Variants in GRIA3 observed in about 807,000 individuals in gnomAD.
The protein encoded by GRIA3 is glutamate receptor 3.
Under a neutral mutation model 63.0 loss-of-function variants are expected in GRIA3, and 3 were observed. The ratio of observed to expected loss-of-function variants is 0.05; its 90% CI spans 0.02 to 0.12. The LOEUF is 0.12. GRIA3 is among the 10% of genes least tolerant of loss of function. The pLI, the probability that GRIA3 is intolerant of heterozygous loss-of-function variation, is 1.00. For missense variants in GRIA3, 347 were observed against 700.9 expected, an observed-to-expected ratio of 0.50 and a Z score of 5.70; for synonymous variants, 274 against 257.9, an observed-to-expected ratio of 1.06 and a Z score of -0.60.
intron 13 of GRIA3, among the ~76,000 whole-genome samples, chrX:123,472,165 T>C (rs1423984341): frequency 9.6e-6 from 1 of 104,422 alleles, no homozygotes; most frequent in Non-Finnish European, 2.0e-5. Flanking sequence ...AGACTTCACT[T>C]GTTGCAATCT....
At chrX:123,366,727 C>T (rs1020118504) in intron 5 of GRIA3, among the ~76,000 whole-genome samples, 3 of 111,610 alleles carry the variant, frequency 2.7e-5, no homozygotes, top group Non-Finnish European at 5.6e-5. Context: ...TGCTAGCTGA[C>T]TCCAGTATGT....
intron 15 of GRIA3, among the ~76,000 whole-genome samples, chrX:123,485,344 T>C (rs370104567): frequency 1.4e-4 from 16 of 111,945 alleles, no homozygotes; most frequent in African/African-American, 4.6e-4. Flanking sequence ...TGAGATAAGA[T>C]GGATCAGGCA....
At chrX:123,400,419 T>G (rs2045438249) in intron 7 of GRIA3, among the ~76,000 whole-genome samples, 1 of 111,700 alleles carries the variant, frequency 9.0e-6, no homozygotes, top group Admixed American at 9.5e-5. Context: ...TTTCCAAAAG[T>G]AGACAGTGCC....
chrX:123,410,493 T>C (rs2045498997), intron 10 of GRIA3, among the ~76,000 whole-genome samples: 1 of 112,004 alleles, frequency 8.9e-6, no homozygotes, highest in Non-Finnish European at 1.9e-5. Flanking sequence ...CCAGGACACA[T>C]GGCAACTTTA....
At chrX:123,232,962 G>A (rs938684122) in intron 2 of GRIA3, among the ~76,000 whole-genome samples, 5 of 110,855 alleles carry the variant, frequency 4.5e-5, no homozygotes, top group Admixed American at 3.8e-4. Flanking sequence ...AAGTGAGTGA[G>A]CTTATTTTCT....
intron 3 of GRIA3, among the ~76,000 whole-genome samples, chrX:123,307,607 C>G (rs1267513059): frequency 8.9e-6 from 1 of 112,000 alleles, no homozygotes; most frequent in Non-Finnish European, 1.9e-5. Context: ...GTCCTTTCCC[C>G]ACCTCTGAGC....
At chrX:123,205,155 C>T (rs758296976) in intron 2 of GRIA3, among the ~76,000 whole-genome samples, 14 of 111,647 alleles carry the variant, frequency 1.3e-4, no homozygotes, top group Admixed American at 9.5e-5. Flanking sequence ...TTTAAAGAAA[C>T]AGGCTCGAAG....
intron 5 of GRIA3, among the ~76,000 whole-genome samples, chrX:123,385,990 T>A (rs772791247): frequency 8.0e-5 from 9 of 112,013 alleles, no homozygotes; most frequent in Non-Finnish European, 1.5e-4. Flanking sequence ...CTATTTTTAG[T>A]TTTTTCATAA....
chrX:123,399,587 C>T (rs1348443568), intron 7 of GRIA3, among the ~76,000 whole-genome samples: 2 of 111,957 alleles, frequency 1.8e-5, no homozygotes, highest in East Asian at 5.6e-4. Flanking sequence ...GAATATTTTG[C>T]TTTATGCTAC....
At chrX:123,250,070 A>AT (rs1452678932) in intron 2 of GRIA3, among the ~76,000 whole-genome samples, 1 of 111,426 alleles carries the variant, frequency 9.0e-6, no homozygotes, top group African/African-American at 3.3e-5. Flanking sequence ...GTGTTTGTAT[A>AT]TTTTTTTAAA....
chrX:123,329,514 A>G (rs989258623), intron 4 of GRIA3, among the ~76,000 whole-genome samples: 7 of 111,740 alleles, frequency 6.3e-5, no homozygotes, highest in Admixed American at 4.8e-4. Context: ...ACATTAGGGG[A>G]AAAATTCAAT....
At chrX:123,204,752 A>G (rs773820925) in intron 2 of GRIA3, 10 of 613,230 alleles carry the variant, frequency 1.6e-5, no homozygotes, top group Admixed American at 1.0e-4. Flanking sequence ...ATGATAAAGA[A>G]TTAACTTTTC....
At chrX:123,343,186 G>T (rs769136817) in intron 4 of GRIA3, among the ~76,000 whole-genome samples, 1 of 111,691 alleles carries the variant, frequency 9.0e-6, no homozygotes, top group African/African-American at 3.3e-5. Flanking sequence ...AACACCATGC[G>T]TTGTACATAA....
intron 2 of GRIA3, among the ~76,000 whole-genome samples, chrX:123,209,111 G>A (rs892904322): frequency 1.2e-4 from 13 of 111,268 alleles, no homozygotes; most frequent in Admixed American, 8.6e-4. Flanking sequence ...CAAGGGTGGA[G>A]GCCCTAGAGT....
At chrX:123,461,150 C>T (rs187874778) in intron 12 of GRIA3, among the ~76,000 whole-genome samples, 101 of 112,213 alleles carry the variant, frequency 9.0e-4, no homozygotes, top group Non-Finnish European at 1.5e-3. Context: ...GCAATCTGGT[C>T]GTCACCATGG....
chrX:123,218,720 G>A (rs1928222159), intron 2 of GRIA3, among the ~76,000 whole-genome samples: 1 of 111,294 alleles, frequency 9.0e-6, no homozygotes, highest in African/African-American at 3.3e-5. Context: ...CTTGTCTTTG[G>A]GTTCCTTCTC....
intron 5 of GRIA3, among the ~76,000 whole-genome samples, chrX:123,384,160 A>G (rs1023675592): frequency 3.6e-5 from 4 of 111,971 alleles, no homozygotes; most frequent in Non-Finnish European, 5.6e-5. Context: ...GCTGCAATGA[A>G]CATTCACGTG....
chrX:123,206,970 C>A (rs1050360561), intron 2 of GRIA3, among the ~76,000 whole-genome samples: 2 of 111,404 alleles, frequency 1.8e-5, no homozygotes, highest in African/African-American at 6.5e-5. Flanking sequence ...TTTACAAGGG[C>A]CCTTCACTTT....
chrX:123,202,877 C>T, intron 2 of GRIA3: 1 of 877,323 alleles, frequency 1.1e-6, no homozygotes, highest in South Asian at 2.6e-5. Context: ...GATCTCCCCA[C>T]TCTGGAAGCT....
Sources: allele counts gnomAD v4.1 joint callset (sites outside exome capture counted in the v4.1 genomes callset), GRCh38; gene constraint gnomAD v4.1.1; transcripts MANE v1.5; gene names NCBI Gene and HGNC (gene_info 2026-07-23, HGNC 2026-07-21).